CDC5L: variants seen among roughly 807,000 people sequenced by gnomAD.
CDC5L encodes cell division cycle 5-like protein.
Under a neutral mutation model 104.1 loss-of-function variants are expected in CDC5L, and 18 were observed. The observed-to-expected ratio is 0.17, with a 90% CI of 0.12 to 0.26. CDC5L has a LOEUF of 0.26. Ranked by LOEUF, CDC5L falls within the 10% of genes least tolerant of loss-of-function variation. The probability of loss-of-function intolerance (pLI) is 1.00; values close to 1 mark genes in which losing one functional copy is unlikely to be tolerated. For synonymous variants in CDC5L, 331 were observed against 322.7 expected, an observed-to-expected ratio of 1.03 and a Z score of -0.28; for missense variants, 673 against 956.9, an observed-to-expected ratio of 0.70 and a Z score of 3.91.
chr6:44,400,239 AG>A (rs1344744105), intron 5 of CDC5L, among the ~76,000 whole-genome samples: 1 of 152,004 alleles, frequency 6.6e-6, no homozygotes, highest in Non-Finnish European at 1.5e-5. Flanking sequence ...CATTTTTTCT[AG>A]CATATGGGTC....
Position 44,429,795 on chromosome 6 carries a change from A to G in CDC5L, c.1976A>G (p.Gln659Arg), listed in dbSNP as rs1792595032. The change falls in exon 14 of 16, where the codon CAG becomes CGG. Residue 659 changes from glutamine (Q) to arginine (R), a missense_variant. Physicochemically the swap from Gln to Arg is conservative, Grantham distance 43. Transcript: ENST00000371477. The stretch of plus-strand genomic sequence containing the variant: ...GAGCTCTCAAGTGAAGCTTATAACC[A>G]GGTGTGGGAAGAATGCTACAGTCAA... ...HGELSSEAYN[Q>R]VWEECYSQVL... 4 of 1,614,126 alleles carry G rather than the reference A, an allele frequency of 2.5e-6. No homozygotes were observed. Among genetic ancestry groups the G allele is most frequent in the Non-Finnish European group, 3.4e-6 (4 of 1,179,966 alleles).
intron 9 of CDC5L, among the ~76,000 whole-genome samples, 197 bp from the exon 10 acceptor site, chr6:44,422,450 A>T (rs1792230754): frequency 1.3e-5 from 2 of 152,256 alleles, no homozygotes; most frequent in Non-Finnish European, 2.9e-5. Context: ...AAGTCAGTAA[A>T]ATAAAAATAC....
chr6:44,419,351 G>T (rs1432721598), intron 8 of CDC5L, 98 bp from the exon 9 acceptor site: 4 of 1,084,888 alleles, frequency 3.7e-6, no homozygotes, highest in South Asian at 1.5e-5. Context: ...AATGAGTAAG[G>T]ATTCTGCCTG....
intron 1 of CDC5L, among the ~76,000 whole-genome samples, chr6:44,388,871 T>C (rs1181993976): frequency 1.3e-5 from 2 of 152,124 alleles, no homozygotes. Flanking sequence ...CTCTGTGTGG[T>C]ACTCGGTAAG....
intron 14 of CDC5L, among the ~76,000 whole-genome samples, chr6:44,436,139 C>G (rs988515440): frequency 2.0e-5 from 3 of 152,160 alleles, no homozygotes; most frequent in African/African-American, 7.2e-5. Flanking sequence ...AAATGAGATA[C>G]TGTATGATTA....
At chr6:44,438,665 CTTTTTTTTT>C (rs749816182) in intron 14 of CDC5L, among the ~76,000 whole-genome samples, 10 of 106,254 alleles carry the variant, frequency 9.4e-5, no homozygotes, top group Admixed American at 9.5e-5. Context: ...GAAGTTTTGT[CTTTTTTTTT>C]TTTTTTTTTT....
At chr6:44,415,350 C>T (rs905547152) in intron 8 of CDC5L, among the ~76,000 whole-genome samples, 20 of 152,216 alleles carry the variant, frequency 1.3e-4, no homozygotes, top group Admixed American at 1.2e-3. Flanking sequence ...TTGGATTTCT[C>T]TTCTAAAAGA....
At chr6:44,420,359 CTT>C (rs771581700) in intron 9 of CDC5L, among the ~76,000 whole-genome samples, 10 of 140,276 alleles carry the variant, frequency 7.1e-5, no homozygotes, top group Non-Finnish European at 7.9e-5. Context: ...AAAATCCAAA[CTT>C]TTTTTTTTTT....
chr6:44,418,887 T>G (rs1792026911), intron 8 of CDC5L, among the ~76,000 whole-genome samples: 2 of 151,334 alleles, frequency 1.3e-5, no homozygotes, highest in Non-Finnish European at 3.0e-5. Flanking sequence ...CATTGTAGAT[T>G]CTGGGTATTA....
intron 8 of CDC5L, among the ~76,000 whole-genome samples, chr6:44,411,629 A>AGTGTGTGTGTGT (rs1386078605): frequency 2.8e-3 from 13 of 4,674 alleles, no homozygotes; most frequent in Non-Finnish European, 3.9e-3. Context: ...AGAGAGAGAG[A>AGTGTGTGTGTGT]GAGAGAGAGT....
chr6:44,404,091 A>G (rs568459346), intron 6 of CDC5L, 64 bp downstream of exon 6: 18 of 1,077,402 alleles, frequency 1.7e-5, no homozygotes, highest in African/African-American at 9.8e-5. Context: ...CGAAGGGCCA[A>G]GTATTATCCT....
rs142793522 is a variant in CDC5L at position 44,401,676 on chromosome 6, T to C, written c.540-2133T>C. On this transcript the variant is annotated intron_variant, in intron 5 of 15. Coordinates refer to ENST00000371477, the MANE Select transcript of CDC5L (RefSeq NM_001253.4). ...ATTTAATTTTATTATTATTATACTT[T>C]AAGTTTTAGGGTACATGTGCACAAT... Among the ~76,000 whole-genome samples the C allele has an allele frequency of 7.8e-3, 1,189 of 151,856 alleles. 19 individuals carry two copies. The highest frequency in any genetic ancestry group is 0.027 in the African/African-American group (1,135 of 41,380).
chr6:44,409,368 A>G (rs562265987), intron 8 of CDC5L, among the ~76,000 whole-genome samples: 123 of 152,344 alleles, frequency 8.1e-4, no homozygotes, highest in Non-Finnish European at 1.5e-3. Flanking sequence ...TGTGTCCGTC[A>G]TGCATACATT....
rs542653675 is a variant in CDC5L at position 44,443,136 on chromosome 6, CCTTTT to C, written c.2092-2503_2092-2499del. Among the ~76,000 whole-genome samples the C allele has an allele frequency of 3.3e-3, 491 of 148,874 alleles. 2 individuals are homozygous for C. The highest frequency in any genetic ancestry group is 4.5e-3 in the Non-Finnish European group (303 of 67,234). ...TTCTTTTCTTTTCTTTTCCTTCCTT[CCTTTT>C]CTTTTCTTTTCTTTTTTTTCTATTT... On this transcript the variant is annotated intron_variant, in intron 14 of 15. Coordinates refer to ENST00000371477, the MANE Select transcript of CDC5L (RefSeq NM_001253.4).
Position 44,387,781 on chromosome 6 carries a change from T to C in CDC5L, c.-43T>C, listed in dbSNP as rs777048239. On this transcript the variant is annotated 5_prime_UTR_variant, in exon 1 of 16. Coordinates refer to ENST00000371477, the MANE Select transcript of CDC5L (RefSeq NM_001253.4). Reference sequence around the variant, plus strand: ...GGCCCAATCGCTGTTACTACTTCTCTGAAGCTCCTCTCGGCTGCTTGCCGA... The same window carrying C: ...GGCCCAATCGCTGTTACTACTTCTCCGAAGCTCCTCTCGGCTGCTTGCCGA... The C allele has an allele frequency of 2.6e-6, 4 of 1,537,450 alleles. No homozygotes were observed. The South Asian group carries it at 4.8e-5, about 18-fold the overall frequency.
intron 13 of CDC5L, among the ~76,000 whole-genome samples, chr6:44,428,995 A>G (rs528819558): frequency 1.1e-4 from 16 of 139,612 alleles, no homozygotes; most frequent in East Asian, 1.0e-3. Context: ...TTGAATCTCT[A>G]TGAGCCTTAG....
intron 2 of CDC5L, among the ~76,000 whole-genome samples, 157 bp from the exon 3 acceptor site, chr6:44,392,510 G>T (rs1489965089): frequency 6.6e-6 from 1 of 152,200 alleles, no homozygotes; most frequent in African/African-American, 2.4e-5. Flanking sequence ...GGGGAATATT[G>T]ACTGGGGTAA....
At chr6:44,413,467 A>G (rs1791750834) in intron 8 of CDC5L, among the ~76,000 whole-genome samples, 1 of 152,112 alleles carries the variant, frequency 6.6e-6, no homozygotes, top group Non-Finnish European at 1.5e-5. Context: ...GTTTGTGTGG[A>G]CATGTTTTTT....
At chr6:44,429,389 A>C (rs1792576186) in intron 13 of CDC5L, among the ~76,000 whole-genome samples, 1 of 152,154 alleles carries the variant, frequency 6.6e-6, no homozygotes, top group Admixed American at 6.5e-5. Context: ...TTTGGATATA[A>C]TGTAGGTAAA....
Sources: allele counts gnomAD v4.1 joint callset (sites outside exome capture counted in the v4.1 genomes callset), GRCh38; gene constraint gnomAD v4.1.1; transcripts MANE v1.5; gene names NCBI Gene and HGNC (gene_info 2026-07-23, HGNC 2026-07-21).